GUCY1A1: variants seen among roughly 807,000 people sequenced by gnomAD.
GUCY1A1 encodes guanylate cyclase 1 soluble subunit alpha 1.
In GUCY1A1, 48 loss-of-function variants were observed where a neutral mutation model predicts 64.5. The ratio of observed to expected loss-of-function variants is 0.74; its 90% CI spans 0.59 to 0.95. The LOEUF (loss-of-function observed/expected upper bound fraction) is 0.95, where lower values mean the gene tolerates loss of function less well. Among genes scored for constraint, GUCY1A1 ranks in the 40% least tolerant of loss-of-function variants. The probability of loss-of-function intolerance (pLI) is 0.00; values close to 1 mark genes in which losing one functional copy is unlikely to be tolerated. For synonymous variants in GUCY1A1, 308 were observed against 303.4 expected (o/e 1.02, Z -0.16); for missense variants, 804 against 825.3 (o/e 0.97, Z 0.32).
At position 155,731,979 on chromosome 4, in the gene GUCY1A1, C is replaced by T. The variant is rs1475143198; in HGVS notation, c.*1748C>T. ...TTGAGAAAGTATAGTTACATCCTCA[C>T]AAATATATGAAGTTAAGTCACTACT... On this transcript the variant is annotated 3_prime_UTR_variant, in exon 10 of 10. Transcript: ENST00000506455. 1.3e-5 allele frequency: 2 copies of T among 150,686 alleles called. No individual in the cohort carries two copies. Among genetic ancestry groups the T allele is most frequent in the African/African-American group, 2.5e-5 (1 of 40,786 alleles). 9.3% of individuals were successfully genotyped at this position (150,686 alleles called of 1,614,324 possible). A position where few individuals can be genotyped will look rare whatever the true frequency, so the allele number is the denominator to read the frequency against.
chr4:155,676,996 A>AGTTTGTGTGGT (rs1735041489), intron 2 of GUCY1A1, among the ~76,000 whole-genome samples: 4 of 151,424 alleles, frequency 2.6e-5, no homozygotes, highest in Non-Finnish European at 4.4e-5. Context: ...ATGACATCAC[A>AGTTTGTGTGGT]CTGAACTGAG....
chr4:155,704,942 A>G (rs1223266030), intron 4 of GUCY1A1, among the ~76,000 whole-genome samples: 5 of 152,156 alleles, frequency 3.3e-5, no homozygotes, highest in African/African-American at 9.7e-5. Context: ...GCTGGAGTGC[A>G]GTGCAATCTT....
At chr4:155,704,776 G>T (rs1329859206) in intron 4 of GUCY1A1, among the ~76,000 whole-genome samples, 1 of 151,842 alleles carries the variant, frequency 6.6e-6, no homozygotes, top group Non-Finnish European at 1.5e-5. Flanking sequence ...GAATGCAGTG[G>T]TGTGATCATA....
chr4:155,723,624 CTGCATTTATTTATTT>C (rs1182516126), intron 9 of GUCY1A1, among the ~76,000 whole-genome samples: 4 of 133,946 alleles, frequency 3.0e-5, no homozygotes, highest in African/African-American at 1.1e-4. Context: ...CCTTCTTCTT[CTGCATTTATTTATTT>C]ATTTATTTAT....
rs554606316 is a variant in GUCY1A1 at position 155,707,946 on chromosome 4, C to A, written c.318-290C>A. Among the ~76,000 whole-genome samples the A allele has an allele frequency of 2.1e-4, 32 of 151,274 alleles. 1 individual carries two copies. The highest frequency in any genetic ancestry group is 3.4e-3 in the Middle Eastern group (1 of 290). On this transcript the variant is annotated intron_variant, in intron 4 of 9. Coordinates refer to ENST00000506455, the MANE Select transcript of GUCY1A1 (RefSeq NM_001130682.3). ...CCGCCAGGTCCCGGTTCAAGTAATT[C>A]TTCTGCCTCAGCCTCCCAAGTAGCT...
chr4:155,717,350 G>A (rs760759682), intron 8 of GUCY1A1, 48 bp downstream of exon 8: 35 of 1,381,238 alleles, frequency 2.5e-5, no homozygotes, highest in South Asian at 5.1e-5. Flanking sequence ...GAGCAAATGC[G>A]TATAGTTGAT....
chr4:155,674,897 G>T (rs536393458), intron 2 of GUCY1A1, among the ~76,000 whole-genome samples: 1 of 151,484 alleles, frequency 6.6e-6, no homozygotes, highest in Non-Finnish European at 1.5e-5. Flanking sequence ...TTTATATACC[G>T]TAGGTAATTG....
At position 155,713,146 on chromosome 4, in the gene GUCY1A1, A is replaced by T. The variant is rs372081493; in HGVS notation, c.1135A>T (p.Ile379Phe). ...QMIYIVESSAILFLGSPCVDR... is the reference protein window; with the variant it reads ...QMIYIVESSAFLFLGSPCVDR... ...GATCTACATTGTTGAATCCAGTGCAATCTTGTTTTTGGGGTCACCCTGTGT... is the reference window on the plus strand; with the variant it reads ...GATCTACATTGTTGAATCCAGTGCATTCTTGTTTTTGGGGTCACCCTGTGT... Residue 379 changes from isoleucine to phenylalanine, a missense_variant, in exon 7 of 10, where the codon ATC (isoleucine) becomes TTC (phenylalanine). Coordinates refer to ENST00000506455, the MANE Select transcript of GUCY1A1 (RefSeq NM_001130682.3). 6.2e-7 allele frequency: 1 copy of T among 1,613,620 alleles called. No homozygotes were observed. Among genetic ancestry groups the T allele is most frequent in the Admixed American group, 1.7e-5 (1 of 60,012 alleles).
At chr4:155,691,517 A>G (rs1239357420) in intron 2 of GUCY1A1, among the ~76,000 whole-genome samples, 2 of 152,184 alleles carry the variant, frequency 1.3e-5, no homozygotes, top group Non-Finnish European at 2.9e-5. Context: ...CTTATTTATG[A>G]AAATAGTTGT....
Position 155,722,077 on chromosome 4 carries a change from G to A in GUCY1A1, c.1756G>A (p.Val586Ile), listed in dbSNP as rs775741994. 3 of 1,613,354 alleles carry A rather than the reference G, an allele frequency of 1.9e-6. No individual in the cohort carries two copies. Among genetic ancestry groups the A allele is most frequent in the South Asian group, 1.1e-5 (1 of 91,020 alleles). ...GCACTCTGGATCAGTTTTTGCTGGC[G>A]TCGTTGGAGTTAAAATGCCCCGTTA... Reference protein sequence around the residue: ...GLHSGSVFAGVVGVKMPRYCL... With the variant: ...GLHSGSVFAGIVGVKMPRYCL... The change falls in exon 9 of 10, where the codon GTC becomes ATC. Residue 586 changes from valine to isoleucine, a missense_variant. Val to Ile is a conservative substitution (Grantham distance 29). Coordinates refer to ENST00000506455, the MANE Select transcript of GUCY1A1 (RefSeq NM_001130682.3).
At chr4:155,671,862 A>T (rs1246008344) in intron 2 of GUCY1A1, among the ~76,000 whole-genome samples, 1 of 152,048 alleles carries the variant, frequency 6.6e-6, no homozygotes. Context: ...TGAGAGTCTC[A>T]TTGTTACCAG....
At chr4:155,722,392 T>C in intron 9 of GUCY1A1, 200 bp downstream of exon 9, 9 of 1,394,522 alleles carry the variant, frequency 6.5e-6, no homozygotes, top group Non-Finnish European at 8.3e-6. Flanking sequence ...GCCTGAGGTG[T>C]TTGTGGCCCA....
At chr4:155,724,319 A>G (rs1483141973) in intron 9 of GUCY1A1, among the ~76,000 whole-genome samples, 1 of 151,794 alleles carries the variant, frequency 6.6e-6, no homozygotes, top group Non-Finnish European at 1.5e-5. Flanking sequence ...ATTGAAAAAT[A>G]AAAAATTCCT....
intron 2 of GUCY1A1, among the ~76,000 whole-genome samples, chr4:155,695,219 C>T (rs1438533656): frequency 2.6e-5 from 4 of 152,152 alleles, no homozygotes; most frequent in Non-Finnish European, 5.9e-5. Context: ...CTGAATTTAG[C>T]TTCCTTGTTT....
At chr4:155,668,447 A>G (rs1210595795) in intron 2 of GUCY1A1, among the ~76,000 whole-genome samples, 2 of 152,238 alleles carry the variant, frequency 1.3e-5, no homozygotes, top group Non-Finnish European at 1.5e-5. Context: ...CATTTATAAC[A>G]TATCAATAGT....
At chr4:155,701,264 T>G (rs1450637702) in intron 3 of GUCY1A1, among the ~76,000 whole-genome samples, 1 of 152,220 alleles carries the variant, frequency 6.6e-6, no homozygotes, top group Non-Finnish European at 1.5e-5. Flanking sequence ...CTCATAATAT[T>G]GGTCAAGTAT....
intron 4 of GUCY1A1, among the ~76,000 whole-genome samples, chr4:155,704,477 A>T (rs1731479267): frequency 6.6e-6 from 1 of 151,882 alleles, no homozygotes; most frequent in Non-Finnish European, 1.5e-5. Context: ...TCTCAACAAC[A>T]TGTTAATACT....
chr4:155,722,391 G>A (rs959423441), intron 9 of GUCY1A1, 199 bp downstream of exon 9: 2 of 1,389,446 alleles, frequency 1.4e-6, no homozygotes, highest in Non-Finnish European at 1.9e-6. Flanking sequence ...TGCCTGAGGT[G>A]TTTGTGGCCC....
At chr4:155,680,931 ACACACACACACACACATG>A (rs1436496748) in intron 2 of GUCY1A1, among the ~76,000 whole-genome samples, 2 of 144,594 alleles carry the variant, frequency 1.4e-5, no homozygotes, top group Middle Eastern at 3.5e-3. Flanking sequence ...ATACACACAC[ACACACACACACACACATG>A]CACACACACA....
Sources: gnomAD v4.1 joint callset for allele counts (sites outside exome capture counted in the v4.1 genomes callset) on GRCh38, gnomAD v4.1.1 for gene constraint, MANE v1.5 for transcripts, NCBI Gene and HGNC (gene_info 2026-07-23, HGNC 2026-07-21) for gene names.